The following GART variants were observed in gnomAD, a reference collection of about 807,000 sequenced individuals.
GART encodes trifunctional purine biosynthetic protein adenosine-3.
A neutral mutation model predicts 107.2 loss-of-function variants in GART; 43 were observed. The observed-to-expected ratio is 0.40, with a 90% CI of 0.31 to 0.52. The LOEUF (loss-of-function observed/expected upper bound fraction) is 0.52, where lower values mean the gene tolerates loss of function less well. GART is among the 20% of genes least tolerant of loss of function. The pLI is 0.52. For synonymous variants in GART, 434 were observed against 427.0 expected (o/e 1.02, Z -0.20); for missense variants, 1,107 against 1,206.5 (o/e 0.92, Z 1.22).
At chr21:33,507,260 C>T (rs767233593) in intron 18 of GART, among the ~76,000 whole-genome samples, 29 of 152,030 alleles carry the variant, frequency 1.9e-4, no homozygotes, top group Non-Finnish European at 3.4e-4. Flanking sequence ...ATGGATGGAA[C>T]GGGAGGTCAT....
chr21:33,538,151 G>A (rs544639754), intron 2 of GART, among the ~76,000 whole-genome samples: 1 of 145,026 alleles, frequency 6.9e-6, no homozygotes, highest in South Asian at 2.2e-4. Flanking sequence ...GGCTGAGGCA[G>A]AAGAATCGCT....
chr21:33,535,702 T>C (rs1043309998), intron 2 of GART, among the ~76,000 whole-genome samples: 2 of 152,338 alleles, frequency 1.3e-5, no homozygotes, highest in African/African-American at 2.4e-5. Context: ...AAATCCACTA[T>C]GTGCTAAGTA....
At position 33,511,177 on chromosome 21, in the gene GART, G is replaced by T. The variant is rs1244546732; in HGVS notation, c.2314+75C>A. The T allele has an allele frequency of 2.7e-6, 4 of 1,491,860 alleles. No homozygotes were observed. The East Asian group carries it at 9.0e-5, about 34-fold the overall frequency. 92.4% of individuals were successfully genotyped at this position (1,491,860 alleles called of 1,614,324 possible). A position where few individuals can be genotyped will look rare whatever the true frequency, so the allele number is the denominator to read the frequency against. The stretch of plus-strand genomic sequence containing the variant: ...GCACTAAAAGGTGGGCAGAAAGCTT[G>T]TGAGGCAAGGCTGAGGTATAGCTAA... On this transcript the variant is annotated intron_variant, in intron 17 of 21. Transcript: ENST00000381815.
At chr21:33,531,192 T>C in intron 6 of GART, 1 of 399,892 alleles carries the variant, frequency 2.5e-6, no homozygotes, top group Non-Finnish European at 4.4e-6. Flanking sequence ...TAAGGTGACT[T>C]TATTTATTGT....
intron 14 of GART, chr21:33,518,798 G>T: frequency 4.0e-6 from 2 of 496,012 alleles, no homozygotes; most frequent in Admixed American, 4.4e-5. Context: ...AGCTTCAGTC[G>T]GTCTCCTTAA....
Position 33,522,233 on chromosome 21 carries a change from G to A in GART, c.1348C>T (p.Leu450=). 6.2e-7 allele frequency: 1 copy of A among 1,613,954 alleles called. No individual in the cohort carries two copies. Among genetic ancestry groups the A allele is most frequent in the Non-Finnish European group, 8.5e-7 (1 of 1,179,932 alleles). ...GCTAAAGGCTGAATTTTCTTGACCAGCATATTTCCAGCTGCGATATCTACT... is the reference window on the plus strand; with the variant it reads ...GCTAAAGGCTGAATTTTCTTGACCAACATATTTCCAGCTGCGATATCTACT... ...SGVDIAAGNM[L]VKKIQPLAKA... The change falls in exon 12 of 22, where the codon CTG becomes TTG. Residue 450 remains leucine (L), a synonymous_variant. Coordinates refer to ENST00000381815, the MANE Select transcript of GART (RefSeq NM_000819.5).
chr21:33,522,044 C>A, intron 12 of GART, 144 bp downstream of exon 12: 1 of 564,782 alleles, frequency 1.8e-6, no homozygotes, highest in South Asian at 2.6e-5. Context: ...GAAAAGAAAG[C>A]AGAAGACTGG....
At chr21:33,536,482 T>C (rs1279731692) in intron 2 of GART, among the ~76,000 whole-genome samples, 2 of 152,214 alleles carry the variant, frequency 1.3e-5, no homozygotes, top group African/African-American at 4.8e-5. Flanking sequence ...GTTGTCCCTC[T>C]TTATCCTTAG....
chr21:33,535,330 G>GAA lies in GART; in HGVS notation c.146-12_146-11dup, dbSNP rs567027710. On this transcript the variant is annotated splice_polypyrimidine_tract_variant and intron_variant, in intron 2 of 21. Transcript: ENST00000381815. ...TCACTGATTGAGATGGCTGTAAACA[G>GAA]AAAAAAAAAAAAAAAAACCACTGCA... The GAA allele has an allele frequency of 0.015, 5,602 of 365,368 alleles. No individual in the cohort carries two copies. The highest frequency in any genetic ancestry group is 0.022 in the South Asian group (531 of 24,566). 22.6% of individuals were successfully genotyped at this position (365,368 alleles called of 1,614,324 possible).
chr21:33,529,403 G>A (rs1206959272), intron 7 of GART, among the ~76,000 whole-genome samples: 1 of 151,464 alleles, frequency 6.6e-6, no homozygotes, highest in African/African-American at 2.4e-5. Flanking sequence ...ACTGTGCCTG[G>A]CCTACACTTA....
intron 16 of GART, among the ~76,000 whole-genome samples, chr21:33,514,281 CAAAA>C (rs1290884257): frequency 6.6e-6 from 1 of 151,890 alleles, no homozygotes; most frequent in Non-Finnish European, 1.5e-5. Context: ...AAAAAACAAA[CAAAA>C]AAACCCCCAG....
At chr21:33,532,218 TA>T (rs2085205532) in intron 5 of GART, 126 bp downstream of exon 5, 2 of 688,010 alleles carry the variant, frequency 2.9e-6, no homozygotes, top group Admixed American at 2.3e-5. Context: ...CATGGGATTA[TA>T]AAAAATAACT....
chr21:33,522,082 A>G, intron 12 of GART, 106 bp downstream of exon 12: 1 of 805,124 alleles, frequency 1.2e-6, no homozygotes, highest in South Asian at 1.6e-5. Context: ...CAAAACTTAC[A>G]GTAACCAAGC....
chr21:33,523,214 G>T (rs1015995862), intron 11 of GART, among the ~76,000 whole-genome samples: 1 of 152,128 alleles, frequency 6.6e-6, no homozygotes, highest in Admixed American at 6.5e-5. Flanking sequence ...TGTTTTTATA[G>T]AAGTGTCTTT....
Position 33,518,643 on chromosome 21 carries a change from A to G in GART, c.1703-1035T>C, listed in dbSNP as rs375950502. 41 of 396,936 alleles carry G rather than the reference A, an allele frequency of 1.0e-4. 1 individual carries two copies. The East Asian group carries it at 2.2e-3, about 21-fold the overall frequency. 24.6% of individuals were successfully genotyped at this position (396,936 alleles called of 1,614,324 possible). On this transcript the variant is annotated intron_variant, in intron 14 of 21. Coordinates refer to ENST00000381815, the MANE Select transcript of GART (RefSeq NM_000819.5). ...TAAAATAGCAGCTCCTAGTTACTTC[A>G]TATTTTTTCTTCTTCAGAAGTTGAC...
intron 16 of GART, among the ~76,000 whole-genome samples, chr21:33,514,487 T>C (rs1416409076): frequency 1.3e-5 from 2 of 152,206 alleles, no homozygotes; most frequent in Non-Finnish European, 2.9e-5. Context: ...TTTTAACTAG[T>C]GGTGTGCTAG....
At chr21:33,532,567 GA>G (rs1360252623) in intron 4 of GART, 111 bp from the exon 5 acceptor site, 5 of 786,040 alleles carry the variant, frequency 6.4e-6, no homozygotes, top group Admixed American at 4.7e-5. Flanking sequence ...AAAGCAGAAA[GA>G]AAAAAATTAA....
intron 7 of GART, among the ~76,000 whole-genome samples, chr21:33,530,180 G>GAA (rs2085156879): frequency 6.6e-6 from 1 of 152,332 alleles, no homozygotes; most frequent in South Asian, 2.1e-4. Flanking sequence ...AACAGAGCGA[G>GAA]ACTCCGTCTC....
chr21:33,530,989 TTTG>T (rs2085176547), intron 6 of GART, 105 bp from the exon 7 acceptor site: 4 of 1,131,316 alleles, frequency 3.5e-6, no homozygotes, highest in South Asian at 2.5e-5. Flanking sequence ...TGAGGAAAAG[TTTG>T]TTTTTTTTTT....
Sources: allele counts gnomAD v4.1 joint callset (sites outside exome capture counted in the v4.1 genomes callset), GRCh38; gene constraint gnomAD v4.1.1; transcripts MANE v1.5; gene names NCBI Gene and HGNC (gene_info 2026-07-23, HGNC 2026-07-21).